Variants in AKT3 observed in about 807,000 individuals in gnomAD.
The protein encoded by AKT3 is RAC-gamma serine/threonine-protein kinase.
Under a neutral mutation model 65.3 loss-of-function variants are expected in AKT3, and 15 were observed. The ratio of observed to expected loss-of-function variants is 0.23; its 90% confidence interval spans 0.15 to 0.35. The LOEUF (loss-of-function observed/expected upper bound fraction) is 0.35, where lower values mean the gene tolerates loss of function less well. Among genes scored for constraint, AKT3 ranks in the 10% least tolerant of loss-of-function variants. AKT3 has a pLI of 1.00. For missense variants in AKT3, 243 were observed against 576.5 expected, an observed-to-expected ratio of 0.42 and a Z score of 5.92; for synonymous variants, 206 against 183.8, an observed-to-expected ratio of 1.12 and a Z score of -0.98.
At chr1:243,621,729 C>T (rs1678764839) in intron 6 of AKT3, among the ~76,000 whole-genome samples, 1 of 152,164 alleles carries the variant, frequency 6.6e-6, no homozygotes, top group African/African-American at 2.4e-5. Context: ...GTTTCTCCTG[C>T]AGTCAACTTC....
At chr1:243,811,366 C>T (rs1033392835) in intron 2 of AKT3, among the ~76,000 whole-genome samples, 6 of 152,152 alleles carry the variant, frequency 3.9e-5, no homozygotes, top group African/African-American at 1.2e-4. Flanking sequence ...CACAAGCATT[C>T]TTATATACCA....
At chr1:243,630,294 A>T (rs1679509174) in intron 6 of AKT3, among the ~76,000 whole-genome samples, 1 of 152,152 alleles carries the variant, frequency 6.6e-6, no homozygotes, top group African/African-American at 2.4e-5. Flanking sequence ...ATCAGCTCAA[A>T]AGTCCCAAGT....
chr1:243,833,770 G>T (rs769151253), intron 2 of AKT3, among the ~76,000 whole-genome samples: 31 of 151,286 alleles, frequency 2.0e-4, no homozygotes, highest in Non-Finnish European at 1.5e-5. Context: ...CTTCAAAAAT[G>T]AAGATGAGCC....
intron 4 of AKT3, among the ~76,000 whole-genome samples, chr1:243,660,873 C>T (rs569452239): frequency 2.2e-3 from 340 of 152,286 alleles, no homozygotes; most frequent in Non-Finnish European, 3.9e-3. Flanking sequence ...TCTCAGGATA[C>T]AAAATCAATG....
intron 10 of AKT3, among the ~76,000 whole-genome samples, chr1:243,557,484 G>A (rs1037827543): frequency 7.2e-5 from 11 of 152,002 alleles, no homozygotes; most frequent in Non-Finnish European, 1.3e-4. Flanking sequence ...AGACCTCTAA[G>A]TAAGTAAAAG....
chr1:243,678,364 T>C (rs914685212), intron 3 of AKT3, among the ~76,000 whole-genome samples: 11 of 152,140 alleles, frequency 7.2e-5, no homozygotes, highest in Non-Finnish European at 8.8e-5. Context: ...GTTTGATAGA[T>C]AGCAAGCTAT....
intron 2 of AKT3, among the ~76,000 whole-genome samples, chr1:243,790,350 ATTT>A (rs1691540892): frequency 6.6e-6 from 1 of 152,210 alleles, no homozygotes; most frequent in Non-Finnish European, 1.5e-5. Flanking sequence ...TTCACTTTGC[ATTT>A]TTATGTTACG....
intron 4 of AKT3, among the ~76,000 whole-genome samples, chr1:243,648,256 TAAAAA>T (rs751165191): frequency 7.9e-6 from 1 of 127,068 alleles, no homozygotes; most frequent in Non-Finnish European, 1.7e-5. Context: ...AGACTCCGTC[TAAAAA>T]AAAAAAAAAG....
intron 8 of AKT3, among the ~76,000 whole-genome samples, chr1:243,583,370 T>C (rs917457425): frequency 2.0e-5 from 3 of 150,286 alleles, no homozygotes; most frequent in Non-Finnish European, 4.4e-5. Context: ...AGTGAGATCA[T>C]TCAGGCAGAA....
intron 4 of AKT3, among the ~76,000 whole-genome samples, chr1:243,649,828 G>A (rs192162233): frequency 4.6e-5 from 7 of 152,222 alleles, no homozygotes; most frequent in Middle Eastern, 6.8e-3. Context: ...GGACATTTGG[G>A]TTGGTTCCAA....
intron 4 of AKT3, among the ~76,000 whole-genome samples, chr1:243,648,176 T>G (rs1166694904): frequency 6.6e-6 from 1 of 151,600 alleles, no homozygotes; most frequent in African/African-American, 2.4e-5. Context: ...GAGAATCACT[T>G]GAACCCAGGA....
At chr1:243,715,955 G>A (rs1266083529) in intron 2 of AKT3, among the ~76,000 whole-genome samples, 2 of 152,086 alleles carry the variant, frequency 1.3e-5, no homozygotes, top group African/African-American at 2.4e-5. Flanking sequence ...CAGGAAAGGT[G>A]TTGTTACACC....
chr1:243,638,744 CTTT>C (rs939471824), intron 5 of AKT3, among the ~76,000 whole-genome samples: 1 of 150,982 alleles, frequency 6.6e-6, no homozygotes, highest in African/African-American at 2.4e-5. Context: ...CCTTTTATAA[CTTT>C]TTTTTTCTGT....
At chr1:243,607,544 AG>A (rs1384146268) in intron 8 of AKT3, among the ~76,000 whole-genome samples, 6 of 152,230 alleles carry the variant, frequency 3.9e-5, no homozygotes, top group African/African-American at 1.4e-4. Flanking sequence ...GTATCTAGGA[AG>A]TAACTAACTT....
chr1:243,768,472 A>C (rs573005057), intron 2 of AKT3, among the ~76,000 whole-genome samples: 9 of 152,292 alleles, frequency 5.9e-5, no homozygotes, highest in African/African-American at 1.9e-4. Flanking sequence ...GTCATTCTGT[A>C]TACTCCTACA....
chr1:243,626,409 C>T (rs936408355), intron 6 of AKT3, among the ~76,000 whole-genome samples: 5 of 152,086 alleles, frequency 3.3e-5, no homozygotes, highest in Non-Finnish European at 7.4e-5. Flanking sequence ...CCTCTTAGTC[C>T]CCCAACACTG....
chr1:243,506,135 T>C (rs1206857698), intron 13 of AKT3, among the ~76,000 whole-genome samples: 1 of 152,280 alleles, frequency 6.6e-6, no homozygotes, highest in South Asian at 2.1e-4. Context: ...TCAGTCAACA[T>C]GCGCTCCCAC....
At chr1:243,810,634 C>A (rs529741591) in intron 2 of AKT3, among the ~76,000 whole-genome samples, 1 of 152,242 alleles carries the variant, frequency 6.6e-6, no homozygotes, top group East Asian at 1.9e-4. Context: ...TGAAACTATC[C>A]CAATCAATAG....
rs957410694 is a variant in AKT3, at chr1:243,682,054, G to A, written c.172+13537C>T. Among the ~76,000 whole-genome samples, 19 of 151,738 alleles carry A rather than the reference G, an allele frequency of 1.3e-4. No homozygotes were observed. The East Asian group carries it at 3.3e-3, about 26-fold the overall frequency. On this transcript the variant is annotated intron_variant, in intron 3 of 13. Coordinates refer to ENST00000673466, the MANE Select transcript of AKT3 (RefSeq NM_005465.7). Reference sequence around the variant, plus strand: ...AATTACAATTTCAAAAACTAGTTACGCACAATCCTCTTTCTAGAAACTATA... The same window carrying A: ...AATTACAATTTCAAAAACTAGTTACACACAATCCTCTTTCTAGAAACTATA...
Sources: gnomAD v4.1 joint callset for allele counts (sites outside exome capture counted in the v4.1 genomes callset) on GRCh38, gnomAD v4.1.1 for gene constraint, MANE v1.5 for transcripts, NCBI Gene and HGNC (gene_info 2026-07-23, HGNC 2026-07-21) for gene names.